WASF3: variants seen among roughly 807,000 people sequenced by gnomAD.
The protein encoded by WASF3 is actin-binding protein WASF3.
A neutral mutation model predicts 46.6 loss-of-function variants in WASF3; 11 were observed. The ratio of observed to expected loss-of-function variants is 0.24; its 90% CI spans 0.15 to 0.39. WASF3 has a LOEUF of 0.39. Ranked by LOEUF, WASF3 falls within the 10% of genes least tolerant of loss-of-function variation. The pLI is 1.00. For missense variants in WASF3, 576 were observed against 669.8 expected (o/e 0.86, Z 1.55); for synonymous variants, 242 against 259.7 (o/e 0.93, Z 0.65).
intron 2 of WASF3, among the ~76,000 whole-genome samples, chr13:26,613,307 G>T (rs919443912): frequency 6.0e-5 from 9 of 151,064 alleles, no homozygotes; most frequent in Non-Finnish European, 8.9e-5. Context: ...TAATTTTTTT[G>T]TGTGAAAAAC....
At chr13:26,681,371 C>CT in intron 8 of WASF3, 51 bp downstream of exon 8, 1 of 1,498,578 alleles carries the variant, frequency 6.7e-7, no homozygotes, top group Non-Finnish European at 8.9e-7. Flanking sequence ...GCATTTGAAT[C>CT]TTGCTCTATG....
upstream of WASF3, among the ~76,000 whole-genome samples, chr13:26,554,469 A>G (rs1346244916): frequency 6.6e-6 from 1 of 152,176 alleles, no homozygotes; most frequent in Non-Finnish European, 1.5e-5. Context: ...AAGAACTTTT[A>G]AAAAAGATTT....
intron 1 of WASF3, among the ~76,000 whole-genome samples, chr13:26,568,680 A>G (rs148812698): frequency 1.6e-3 from 251 of 152,290 alleles, no homozygotes; most frequent in African/African-American, 5.7e-3. Context: ...AGTGATGTTA[A>G]GGTGGTATCT....
At chr13:26,539,472 T>C in the WASF3 span, among the ~76,000 whole-genome samples, 18 of 152,190 alleles carry the variant, frequency 1.2e-4, no homozygotes, top group African/African-American at 4.1e-4. Flanking sequence ...TTTAGGGGCA[T>C]ATTTTTCCTG....
chr13:26,637,231 CCTCTGCAGCAT>C (rs1881855514), intron 2 of WASF3, among the ~76,000 whole-genome samples: 3 of 152,142 alleles, frequency 2.0e-5, no homozygotes, highest in African/African-American at 7.2e-5. Context: ...AGGGGAGAGG[CCTCTGCAGCAT>C]ATTCCAGCTC....
intron 2 of WASF3, among the ~76,000 whole-genome samples, chr13:26,629,294 A>G (rs1413089419): frequency 6.6e-6 from 1 of 152,120 alleles, no homozygotes; most frequent in East Asian, 1.9e-4. Context: ...CCGAATTTCT[A>G]CCCACATGGC....
chr13:26,555,419 C>T (rs965578786), upstream of WASF3, among the ~76,000 whole-genome samples: 3 of 152,154 alleles, frequency 2.0e-5, no homozygotes, highest in Non-Finnish European at 4.4e-5. Flanking sequence ...CTCTAATATT[C>T]CTCCAGCCAA....
chr13:26,586,248 C>T (rs1880123632), intron 1 of WASF3, among the ~76,000 whole-genome samples: 1 of 151,356 alleles, frequency 6.6e-6, no homozygotes, highest in Non-Finnish European at 1.5e-5. Flanking sequence ...TTTTGTGTTT[C>T]TTTTCGCTCT....
At chr13:26,672,105 G>T in intron 6 of WASF3, 116 bp downstream of exon 6, 1 of 779,654 alleles carries the variant, frequency 1.3e-6, no homozygotes, top group African/African-American at 1.8e-5. Flanking sequence ...AGTTTTTTTA[G>T]AGGTTGCATT....
At chr13:26,632,923 T>G (rs895573734) in intron 2 of WASF3, among the ~76,000 whole-genome samples, 15 of 152,186 alleles carry the variant, frequency 9.9e-5, no homozygotes, top group African/African-American at 3.4e-4. Context: ...GTCCAGGAAT[T>G]TATCCATTTC....
chr13:26,559,508 A>G (rs1879210729), intron 1 of WASF3, among the ~76,000 whole-genome samples: 1 of 152,240 alleles, frequency 6.6e-6, no homozygotes, highest in Admixed American at 6.5e-5. Context: ...TGGTCATGCC[A>G]ACATTGTAAC....
In WASF3 at chr13:26,592,026, G is replaced by GT. The variant is rs10607701; in HGVS notation, c.-108-20916dup. 4.3e-3 allele frequency among the ~76,000 whole-genome samples: 516 copies of GT among 121,128 alleles called. 2 individuals carry two copies. Among genetic ancestry groups the GT allele is most frequent in the African/African-American group, 0.01 (337 of 32,594 alleles). The allele number at this position is 121,128 out of a possible 152,430, so 79.5% of individuals were successfully genotyped here. Reference sequence around the variant, plus strand: ...AAAAGGACCTCAAAGGAGCAGGCGAGTTTTTTTTTTTTTTTTTTTGCTTTC... The same window carrying GT: ...AAAAGGACCTCAAAGGAGCAGGCGAGTTTTTTTTTTTTTTTTTTTTGCTTTC... On this transcript the variant is annotated intron_variant, in intron 1 of 9. Coordinates refer to ENST00000335327, the MANE Select transcript of WASF3 (RefSeq NM_006646.6).
At chr13:26,610,425 C>CT (rs1296008624) in intron 1 of WASF3, among the ~76,000 whole-genome samples, 1 of 152,140 alleles carries the variant, frequency 6.6e-6, no homozygotes, top group Admixed American at 6.5e-5. Flanking sequence ...CTGAGAGGTT[C>CT]TTGGGAGTCC....
intron 7 of WASF3, among the ~76,000 whole-genome samples, chr13:26,680,596 C>T (rs555204557): frequency 7.2e-5 from 11 of 152,322 alleles, no homozygotes; most frequent in Non-Finnish European, 1.3e-4. Context: ...ACTGCATTCT[C>T]GATTTCTTTT....
the WASF3 span, among the ~76,000 whole-genome samples, chr13:26,550,689 A>G: frequency 1.3e-5 from 2 of 152,272 alleles, no homozygotes; most frequent in East Asian, 3.9e-4. Context: ...AGGCCTGTGC[A>G]TATCTTGCTG....
upstream of WASF3, among the ~76,000 whole-genome samples, chr13:26,554,096 C>CTCTCTTTCTTTCTTTCT (rs1879038837): frequency 1.4e-4 from 1 of 7,372 alleles, no homozygotes; most frequent in African/African-American, 3.8e-4. Flanking sequence ...TCCTTCCTTC[C>CTCTCTTTCTTTCTTTCT]TTCTTTCTTT....
chr13:26,635,726 T>C (rs1881796777), intron 2 of WASF3, among the ~76,000 whole-genome samples: 1 of 152,256 alleles, frequency 6.6e-6, no homozygotes, highest in Admixed American at 6.5e-5. Flanking sequence ...GTTTGTTAGT[T>C]TTCCTTTTAA....
chr13:26,602,723 A>T (rs1880677899), intron 1 of WASF3, among the ~76,000 whole-genome samples: 3 of 152,190 alleles, frequency 2.0e-5, no homozygotes, highest in Admixed American at 2.0e-4. Flanking sequence ...AGTATTATAG[A>T]GGTAATTTTG....
At chr13:26,570,706 C>A (rs1879608905) in intron 1 of WASF3, among the ~76,000 whole-genome samples, 1 of 152,152 alleles carries the variant, frequency 6.6e-6, no homozygotes, top group Middle Eastern at 3.2e-3. Context: ...TGTGTTTGGA[C>A]ATTTAGGTAG....
Sources: gnomAD v4.1 joint callset for allele counts (sites outside exome capture counted in the v4.1 genomes callset) on GRCh38, gnomAD v4.1.1 for gene constraint, MANE v1.5 for transcripts, NCBI Gene and HGNC (gene_info 2026-07-23, HGNC 2026-07-21) for gene names.